CTNNA3: variants seen among roughly 807,000 people sequenced by gnomAD.
CTNNA3 encodes the protein catenin alpha-3.
CTNNA3 carries 76 observed loss-of-function variants against 95.7 expected under a neutral mutation model. That is an observed-to-expected ratio of 0.79 (90% CI 0.66 to 0.96). The LOEUF (loss-of-function observed/expected upper bound fraction) is 0.96, where lower values mean the gene tolerates loss of function less well. CTNNA3 is among the 40% of genes least tolerant of loss of function. The pLI is 0.00. For synonymous variants in CTNNA3, 431 were observed against 374.4 expected (o/e 1.15, Z -1.74); for missense variants, 1,191 against 1,089.8 (o/e 1.09, Z -1.31).
At chr10:66,814,273 A>C (rs934711550) in intron 7 of CTNNA3, among the ~76,000 whole-genome samples, 7 of 151,936 alleles carry the variant, frequency 4.6e-5, no homozygotes, top group Non-Finnish European at 7.4e-5. Flanking sequence ...AAAGAAAAAA[A>C]AAAAAAAAAG....
intron 7 of CTNNA3, among the ~76,000 whole-genome samples, chr10:66,837,059 TA>T (rs1039935704): frequency 6.6e-6 from 1 of 151,990 alleles, no homozygotes; most frequent in African/African-American, 2.4e-5. Flanking sequence ...TTTGTGAAGG[TA>T]AAAAAATTCC....
intron 10 of CTNNA3, among the ~76,000 whole-genome samples, chr10:66,589,898 T>C (rs1021453592): frequency 3.9e-5 from 6 of 152,074 alleles, no homozygotes; most frequent in African/African-American, 1.2e-4. Flanking sequence ...GTTTTTGTGA[T>C]TCCCATCATA....
At chr10:66,693,501 C>G (rs1847639105) in intron 9 of CTNNA3, among the ~76,000 whole-genome samples, 1 of 151,400 alleles carries the variant, frequency 6.6e-6, no homozygotes, top group Non-Finnish European at 1.5e-5. Flanking sequence ...GACTCCCACA[C>G]AATAATAATG....
chr10:67,397,309 A>T lies in CTNNA3; in HGVS notation c.579+124533T>A, dbSNP rs146590371. Among the ~76,000 whole-genome samples, 1,374 of 152,282 alleles carry T rather than the reference A, an allele frequency of 9.0e-3. 10 individuals are homozygous for T. The highest frequency in any genetic ancestry group is 0.013 in the Non-Finnish European group (900 of 68,014). ...AATGCTGATAGTGATATGGACAATA[A>T]AGTCCAGGCTGAGGTGATCTCAGAT... On this transcript the variant is annotated intron_variant, in intron 5 of 17. Transcript: ENST00000433211.
chr10:66,981,119 G>A (rs1157506778), intron 7 of CTNNA3, among the ~76,000 whole-genome samples: 1 of 152,102 alleles, frequency 6.6e-6, no homozygotes, highest in Admixed American at 6.5e-5. Context: ...GGTCAGGCTG[G>A]TCTCGAACTC....
intron 3 of CTNNA3, 128 bp downstream of exon 3, chr10:67,606,729 G>A: frequency 1.5e-6 from 1 of 686,574 alleles, no homozygotes; most frequent in East Asian, 2.6e-5. Flanking sequence ...CCCACAGCTA[G>A]CTCCTCACAG....
At position 67,072,902 on chromosome 10, in the gene CTNNA3, A is replaced by G. The variant is rs1028036696; in HGVS notation, c.1047+107415T>C. Among the ~76,000 whole-genome samples, 18 of 37,932 alleles carry G rather than the reference A, an allele frequency of 4.7e-4. No individual in the cohort carries two copies. The East Asian group carries it at 9.5e-3, about 20-fold the overall frequency. 24.9% of individuals were successfully genotyped at this position (37,932 alleles called of 152,430 possible). ...TTGGAAGCTCTGCCTTTGGCTTCCT[A>G]TGCAGCCTCAAAACACAGCAAACAT... On this transcript the variant is annotated intron_variant, in intron 7 of 17. Transcript: ENST00000433211.
At chr10:66,435,560 C>A (rs1295842888) in intron 11 of CTNNA3, among the ~76,000 whole-genome samples, 3 of 151,780 alleles carry the variant, frequency 2.0e-5, no homozygotes, top group African/African-American at 7.3e-5. Flanking sequence ...CTATTTGATT[C>A]TTCTCTCTTT....
intron 15 of CTNNA3, among the ~76,000 whole-genome samples, chr10:66,046,740 A>G (rs2079837129): frequency 6.6e-6 from 1 of 152,096 alleles, no homozygotes; most frequent in Non-Finnish European, 1.5e-5. Context: ...AATAAGGAAG[A>G]AAAGAGAGAA....
intron 6 of CTNNA3, among the ~76,000 whole-genome samples, chr10:67,204,004 G>A (rs1021011900): frequency 1.3e-5 from 2 of 152,122 alleles, no homozygotes; most frequent in African/African-American, 2.4e-5. Context: ...TGGTAATACA[G>A]AAAAGGAGTG....
Position 66,199,795 on chromosome 10 carries a change from ATATATATATATTTTTTTTT to A in CTNNA3, c.1884+80656_1884+80674del, listed in dbSNP as rs1373884206. ...TATATATATATATATATATATATAT[ATATATATATATTTTTTTTT>A]TTTTTTTTTTTTTTTTTTTAGTAGA... On this transcript the variant is annotated intron_variant, in intron 13 of 17. Coordinates refer to ENST00000433211, the MANE Select transcript of CTNNA3 (RefSeq NM_013266.4). Among the ~76,000 whole-genome samples the A allele has an allele frequency of 3.8e-4, 6 of 15,760 alleles. No homozygotes were observed. In the East Asian group the frequency reaches 0.014, roughly 36 times the overall value. 10.3% of individuals were successfully genotyped at this position (15,760 alleles called of 152,430 possible).
intron 7 of CTNNA3, among the ~76,000 whole-genome samples, chr10:66,903,439 C>T (rs1845842790): frequency 1.3e-5 from 2 of 152,140 alleles, no homozygotes; most frequent in South Asian, 4.1e-4. Context: ...TGGACAAAAA[C>T]TGGAAGCATT....
chr10:67,086,142 G>A (rs188675649), intron 7 of CTNNA3, among the ~76,000 whole-genome samples: 1 of 151,946 alleles, frequency 6.6e-6, no homozygotes, highest in Admixed American at 6.6e-5. Context: ...ATGGATGAAG[G>A]GGTGGAAGAA....
chr10:67,639,228 C>T (rs577642152), intron 2 of CTNNA3, among the ~76,000 whole-genome samples: 8,971 of 152,156 alleles, frequency 0.059, 291 homozygotes, highest in South Asian at 0.1. Context: ...CTATAAACAC[C>T]TGTATGCAAA....
At chr10:67,018,637 T>C (rs1046755420) in intron 7 of CTNNA3, among the ~76,000 whole-genome samples, 2 of 152,196 alleles carry the variant, frequency 1.3e-5, no homozygotes, top group African/African-American at 4.8e-5. Flanking sequence ...TGGGTGTGAA[T>C]CCTGATCCAT....
At chr10:66,337,965 T>C (rs2092414072) in intron 12 of CTNNA3, among the ~76,000 whole-genome samples, 2 of 151,884 alleles carry the variant, frequency 1.3e-5, no homozygotes, top group Non-Finnish European at 2.9e-5. Context: ...CTAAGACAAA[T>C]AAAGTATATG....
intron 4 of CTNNA3, among the ~76,000 whole-genome samples, chr10:67,536,989 A>T (rs1184321268): frequency 3.3e-5 from 5 of 152,176 alleles, no homozygotes; most frequent in Admixed American, 1.3e-4. Flanking sequence ...GGATGAAACC[A>T]TGAAAAACTA....
At chr10:67,489,589 T>A (rs1848577346) in intron 5 of CTNNA3, among the ~76,000 whole-genome samples, 1 of 152,018 alleles carries the variant, frequency 6.6e-6, no homozygotes, top group African/African-American at 2.4e-5. Context: ...AAAATCAATA[T>A]CATGGAAATG....
chr10:67,072,286 C>T (rs2619651), intron 7 of CTNNA3, among the ~76,000 whole-genome samples: 150,769 of 152,332 alleles, frequency 0.99, 74,620 homozygotes, highest in East Asian at 1. Context: ...CCCACTTCTC[C>T]AATCGAATTT....
Sources: gnomAD v4.1 joint callset for allele counts (sites outside exome capture counted in the v4.1 genomes callset) on GRCh38, gnomAD v4.1.1 for gene constraint, MANE v1.5 for transcripts, NCBI Gene and HGNC (gene_info 2026-07-23, HGNC 2026-07-21) for gene names.